Variants in RASSF3 observed in about 807,000 individuals in gnomAD.
RASSF3 encodes the protein Ras association domain family member 3, also known as ras association domain-containing protein 3.
A neutral mutation model predicts 19.9 loss-of-function variants in RASSF3; 19 were observed. The ratio of observed to expected loss-of-function variants is 0.96; its 90% CI spans 0.67 to 1.40. The LOEUF (loss-of-function observed/expected upper bound fraction) is 1.40. Among genes scored for constraint, RASSF3 ranks in the 40% most tolerant of loss-of-function variants. The pLI is 0.00. For missense variants in RASSF3, 306 were observed against 289.8 expected, an observed-to-expected ratio of 1.06 and a Z score of -0.41; for synonymous variants, 110 against 104.2, an observed-to-expected ratio of 1.06 and a Z score of -0.34.
At chr12:64,574,600 G>A (rs1240827745) in intron 2 of RASSF3, among the ~76,000 whole-genome samples, 1 of 152,198 alleles carries the variant, frequency 6.6e-6, no homozygotes, top group Non-Finnish European at 1.5e-5. Context: ...AAATGAGCTT[G>A]CCTACTGGGG....
chr12:64,507,384 G>A (rs1009187670), intron 1 of RASSF3: 4 of 397,984 alleles, frequency 1.0e-5, no homozygotes, highest in African/African-American at 8.2e-5. Flanking sequence ...GTGTGTGTGT[G>A]TTACATTTTA....
intron 2 of RASSF3, among the ~76,000 whole-genome samples, chr12:64,579,470 C>T (rs538402390): frequency 6.6e-6 from 1 of 151,292 alleles, no homozygotes. Flanking sequence ...CCTGCCTCAG[C>T]TTCTCCAGTA....
intron 2 of RASSF3, among the ~76,000 whole-genome samples, chr12:64,592,392 G>A (rs117300243): frequency 0.015 from 2,229 of 152,058 alleles, 41 homozygotes; most frequent in South Asian, 0.028. Flanking sequence ...TATTTAGGTT[G>A]TTTCCTTTTT....
intron 1 of RASSF3, among the ~76,000 whole-genome samples, chr12:64,536,363 G>T (rs1393609770): frequency 6.6e-6 from 1 of 152,158 alleles, no homozygotes; most frequent in Non-Finnish European, 1.5e-5. Flanking sequence ...TGGGTCTGCT[G>T]TAGGCTGATA....
At chr12:64,694,516 G>C (rs533942832) in intron 4 of RASSF3, among the ~76,000 whole-genome samples, 2 of 152,282 alleles carry the variant, frequency 1.3e-5, no homozygotes, top group East Asian at 3.9e-4. Context: ...GGAGGTCTCT[G>C]GCTTTTAGGG....
chr12:64,539,726 T>A (rs935207104), intron 1 of RASSF3, among the ~76,000 whole-genome samples: 3 of 151,934 alleles, frequency 2.0e-5, no homozygotes, highest in African/African-American at 7.3e-5. Context: ...CAGCAAGCTG[T>A]GATTGCCCAC....
chr12:64,574,712 T>A (rs1178617138), intron 2 of RASSF3, among the ~76,000 whole-genome samples: 4 of 152,254 alleles, frequency 2.6e-5, no homozygotes, highest in African/African-American at 9.6e-5. Flanking sequence ...ACATGAGTTC[T>A]CCAGCTAAGG....
In RASSF3 at chr12:64,694,989, G is replaced by A; in HGVS notation, c.*77G>A. On this transcript the variant is annotated 3_prime_UTR_variant, in exon 5 of 5. Transcript: ENST00000542104. ...CAGCAAGTGCCTCTCTTCTCAGAGG[G>A]CTGCTGTCTTGCCCCACTATGCTAG... 6.6e-7 allele frequency: 1 copy of A among 1,510,404 alleles called. No individual in the cohort carries two copies. Among genetic ancestry groups the A allele is most frequent in the South Asian group, 1.2e-5 (1 of 84,614 alleles). The allele number at this position is 1,510,404 out of a possible 1,614,324, so 93.6% of individuals were successfully genotyped here.
chr12:64,565,126 C>T (rs957850489), intron 2 of RASSF3, among the ~76,000 whole-genome samples: 3 of 148,732 alleles, frequency 2.0e-5, no homozygotes, highest in Non-Finnish European at 4.4e-5. Flanking sequence ...AACTGGCACA[C>T]TTAAGTAGTA....
intron 1 of RASSF3, among the ~76,000 whole-genome samples, chr12:64,515,017 TTTTA>T (rs1014810800): frequency 1.7e-4 from 19 of 114,772 alleles, no homozygotes; most frequent in Admixed American, 6.2e-4. Context: ...TAATAAAACA[TTTTA>T]TTTATTTTAT....
intron 1 of RASSF3, among the ~76,000 whole-genome samples, chr12:64,650,757 G>T (rs1456587392): frequency 2.0e-5 from 3 of 152,096 alleles, no homozygotes; most frequent in African/African-American, 7.2e-5. Context: ...CTTAAAAAAA[G>T]TCTTTTCCTG....
Position 64,647,537 on chromosome 12 carries a change from A to T in RASSF3, c.111+36794A>T, listed in dbSNP as rs139679267. The stretch of plus-strand genomic sequence containing the variant: ...GTGATTCTCCTGTCTCAGTCTCCAG[A>T]GTAGCTGGGATTACAGGCATCCACC... On this transcript the variant is annotated intron_variant, in intron 1 of 4. Transcript: ENST00000542104. Among the ~76,000 whole-genome samples, 502 of 151,668 alleles carry T rather than the reference A, an allele frequency of 3.3e-3. 5 individuals carry two copies. The highest frequency in any genetic ancestry group is 0.012 in the African/African-American group (483 of 41,316).
rs536489024 is a variant in RASSF3, at chr12:64,596,261, G to A, written c.294+54556G>A. Among the ~76,000 whole-genome samples the A allele has an allele frequency of 4.6e-5, 7 of 152,284 alleles. No individual in the cohort carries two copies. In the South Asian group the frequency reaches 1.2e-3, roughly 27 times the overall value. On this transcript the variant is annotated intron_variant, in intron 2 of 5. Coordinates refer to the RASSF3 transcript ENST00000637125. ...ATTCTGAAGGCTCTCGTGTATACAC[G>A]TTAAATAAATTTGTTTGCCTTTTCT...
chr12:64,542,607 C>T (rs900205446), downstream of RASSF3, among the ~76,000 whole-genome samples: 1 of 152,142 alleles, frequency 6.6e-6, no homozygotes, highest in African/African-American at 2.4e-5. Context: ...GCTATTTTTT[C>T]GGCCAAGCAC....
At chr12:64,575,414 G>T (rs772195810) in intron 2 of RASSF3, among the ~76,000 whole-genome samples, 2 of 152,098 alleles carry the variant, frequency 1.3e-5, no homozygotes, top group Admixed American at 1.3e-4. Flanking sequence ...TTAGCCAGGC[G>T]TGGTGGTGGA....
chr12:64,691,884 C>T (rs929913739), intron 4 of RASSF3, among the ~76,000 whole-genome samples: 46 of 151,966 alleles, frequency 3.0e-4, no homozygotes, highest in Admixed American at 3.0e-3. Flanking sequence ...TCATTTTCAC[C>T]CCTTCCCACC....
At position 64,515,017 on chromosome 12, in the gene RASSF3, TTTTATTTATTTTA is replaced by T. The variant is rs1045835918; in HGVS notation, c.169+7700_169+7712del. ...ATACAATTTTTCATATAATAAAACATTTTATTTATTTTATTTATTTATTTATCATTTATTTATT... is the reference window on the plus strand; with the variant it reads ...ATACAATTTTTCATATAATAAAACATTTTATTTATTTATCATTTATTTATT... On this transcript the variant is annotated intron_variant, in intron 1 of 5. Coordinates refer to the RASSF3 transcript ENST00000637125. 8.7e-5 allele frequency among the ~76,000 whole-genome samples: 10 copies of T among 114,772 alleles called. No individual in the cohort carries two copies. In the East Asian group the frequency reaches 1.4e-3, roughly 16 times the overall value. The allele number at this position is 114,772 out of a possible 152,430, so 75.3% of individuals were successfully genotyped here.
At chr12:64,619,502 C>G (rs1009345336) in intron 1 of RASSF3, among the ~76,000 whole-genome samples, 1 of 152,086 alleles carries the variant, frequency 6.6e-6, no homozygotes, top group Admixed American at 6.6e-5. Context: ...CTACATGATT[C>G]AGTCAGCTAA....
intron 2 of RASSF3, among the ~76,000 whole-genome samples, chr12:64,579,966 C>A (rs1171288092): frequency 6.6e-6 from 1 of 151,994 alleles, no homozygotes; most frequent in Non-Finnish European, 1.5e-5. Flanking sequence ...AGGCATGCGC[C>A]ACCATGCCTG....
Sources: gnomAD v4.1 joint callset for allele counts (sites outside exome capture counted in the v4.1 genomes callset) on GRCh38, gnomAD v4.1.1 for gene constraint, MANE v1.5 for transcripts, NCBI Gene and HGNC (gene_info 2026-07-23, HGNC 2026-07-21) for gene names.